Variants in NAF1 observed in about 807,000 individuals in gnomAD.
The protein encoded by NAF1 is nuclear assembly factor 1 ribonucleoprotein, also known as H/ACA ribonucleoprotein complex non-core subunit NAF1.
NAF1 carries 11 observed loss-of-function variants against 40.6 expected under a neutral mutation model. The ratio of observed to expected loss-of-function variants is 0.27; its 90% confidence interval spans 0.17 to 0.45. NAF1 has a LOEUF of 0.45. NAF1 is among the 20% of genes least tolerant of loss of function. NAF1 has a pLI of 1.00. For missense variants in NAF1, 607 were observed against 611.1 expected (o/e 0.99, Z 0.07); for synonymous variants, 260 against 228.5 (o/e 1.14, Z -1.24).
At chr4:163,120,285 T>G (rs1177021981) in intron 2 of NAF1, among the ~76,000 whole-genome samples, 2 of 152,216 alleles carry the variant, frequency 1.3e-5, no homozygotes, top group Non-Finnish European at 2.9e-5. Context: ...TGAGAACATT[T>G]TAGAAGTTCA....
chr4:163,132,549 T>G (rs1014723594), intron 7 of NAF1, among the ~76,000 whole-genome samples: 1 of 152,212 alleles, frequency 6.6e-6, no homozygotes, highest in African/African-American at 2.4e-5. Flanking sequence ...ACATTAATGG[T>G]TGCCATGAGT....
chr4:163,142,011 A>G, intron 4 of NAF1: 1 of 685,356 alleles, frequency 1.5e-6, no homozygotes, highest in Non-Finnish European at 1.8e-6. Context: ...ATGCCAATGT[A>G]TTATGAAATA....
At chr4:163,141,229 G>A (rs1262021131) in intron 4 of NAF1, among the ~76,000 whole-genome samples, 1 of 152,106 alleles carries the variant, frequency 6.6e-6, no homozygotes, top group Non-Finnish European at 1.5e-5. Flanking sequence ...GCCGGGTGTG[G>A]TGGCAGGCAC....
Position 163,166,369 on chromosome 4 carries a change from G to C in NAF1, c.359C>G (p.Ser120Trp), listed in dbSNP as rs751601134. 3.7e-6 allele frequency: 6 copies of C among 1,600,690 alleles called. No individual in the cohort carries two copies. The highest frequency in any genetic ancestry group is 1.7e-4 in the Middle Eastern group (1 of 5,966). ...GGTCCCTTAGGCACCCGACCTGTCC[G>C]AGTCCGAATCCGAGTCCGAGGTCTC... ...SLETSDSDSD[S>W]DSETDSDSSS... The change falls in exon 1 of 8, where the codon TCG (serine) becomes TGG (tryptophan). Residue 120 changes from serine to tryptophan, a missense_variant. Ser to Trp is a radical substitution (Grantham distance 177, BLOSUM62 -3). Around this residue, in one of 3 missense-constraint regions of NAF1, gnomAD observed 407 missense variants for 365.5 expected, o/e 1.11. Coordinates refer to ENST00000274054, the MANE Select transcript of NAF1 (RefSeq NM_138386.3).
In NAF1 at chr4:163,152,183, C is replaced by G. The variant is rs141524655; in HGVS notation, c.541-3749G>C. Reference sequence around the variant, plus strand: ...CCTAAGCATAATGATGCATTTTTATCGGAATTTCTTTTTAATGGGTTAAGA... The same window carrying G: ...CCTAAGCATAATGATGCATTTTTATGGGAATTTCTTTTTAATGGGTTAAGA... On this transcript the variant is annotated intron_variant, in intron 2 of 7. Coordinates refer to ENST00000274054, the MANE Select transcript of NAF1 (RefSeq NM_138386.3). Among the ~76,000 whole-genome samples, 1,061 of 152,220 alleles carry G rather than the reference C, an allele frequency of 7.0e-3. 13 individuals are homozygous for G. Among genetic ancestry groups the G allele is most frequent in the South Asian group, 0.011 (53 of 4,820 alleles).
chr4:163,129,419 T>C, intron 7 of NAF1, 71 bp from the exon 8 acceptor site: 2 of 1,409,762 alleles, frequency 1.4e-6, no homozygotes, highest in Non-Finnish European at 1.9e-6. Context: ...TGTTTGAAAT[T>C]TCAATTATGA....
chr4:163,149,532 C>T (rs2110981955), intron 2 of NAF1, among the ~76,000 whole-genome samples: 1 of 152,260 alleles, frequency 6.6e-6, no homozygotes, highest in South Asian at 2.1e-4. Flanking sequence ...TTATGGAGAG[C>T]AACACTACGG....
chr4:163,140,497 AGT>A (rs1731221607), intron 4 of NAF1, 114 bp from the exon 5 acceptor site: 2 of 857,668 alleles, frequency 2.3e-6, no homozygotes, highest in Non-Finnish European at 1.8e-6. Context: ...TAATTTTGTC[AGT>A]GTTAGGGCAA....
intron 2 of NAF1, chr4:163,119,863 G>A (rs2110834559): frequency 6.6e-6 from 1 of 152,326 alleles, no homozygotes; most frequent in East Asian, 1.9e-4. Flanking sequence ...TAAAATTAAT[G>A]CCCACAGCTA....
At position 163,148,343 on chromosome 4, in the gene NAF1, A is replaced by C. The variant is rs749313603; in HGVS notation, c.632T>G (p.Leu211Arg). The C allele has an allele frequency of 6.5e-7, 1 of 1,530,204 alleles. No homozygotes were observed. Among genetic ancestry groups the C allele is most frequent in the Non-Finnish European group, 8.8e-7 (1 of 1,138,286 alleles). 94.8% of individuals were successfully genotyped at this position (1,530,204 alleles called of 1,614,324 possible). ...LGMVSSIIEQ[L>R]VIIESMTNLP... ...TATTAATAGAATTCTTAACATACCT[A>C]GTTGTTCAATAATACTTGAAACCAT... is the stretch of plus-strand genomic sequence containing the variant. Residue 211 changes from leucine to arginine, a missense_variant and splice_region_variant, in exon 3 of 8, where the codon CTA (leucine) becomes CGA (arginine). Leu to Arg is a moderately radical substitution (Grantham distance 102). Around this residue, in one of 3 missense-constraint regions of NAF1, gnomAD observed 407 missense variants for 365.5 expected, o/e 1.11. Transcript: ENST00000274054.
At chr4:163,112,662 G>C in intron 2 of NAF1, among the ~76,000 whole-genome samples, 1 of 152,148 alleles carries the variant, frequency 6.6e-6, no homozygotes, top group East Asian at 1.9e-4. Context: ...CTGAATGCTG[G>C]AAGATATCTG....
intron 1 of NAF1, among the ~76,000 whole-genome samples, chr4:163,165,323 C>A (rs1732406429): frequency 6.6e-6 from 1 of 152,210 alleles, no homozygotes; most frequent in African/African-American, 2.4e-5. Context: ...TCTGCCATCA[C>A]CCACAGAGTC....
chr4:163,138,281 A>T (rs1731132417), intron 5 of NAF1, among the ~76,000 whole-genome samples: 2 of 152,118 alleles, frequency 1.3e-5, no homozygotes. Context: ...CCATCACTTA[A>T]AAGAAAAAAG....
In NAF1 at chr4:163,128,947, G is replaced by C. The variant is rs140262888; in HGVS notation, c.1435C>G (p.Pro479Ala). ...TTACTATCTCCAGAAGAGGGTGGAG[G>C]AGGCAGTGGTGGAGGGGGAGGGGGT... The part of the protein sequence containing the change: ...PPPPPPPPLP[P>A]PPSSGDSNSH... Residue 479 changes from proline (P) to alanine (A), a missense_variant, in exon 8 of 8, where the codon CCT becomes GCT. Pro to Ala is a conservative substitution (Grantham distance 27). Around this residue, in one of 3 missense-constraint regions of NAF1, gnomAD observed 189 missense variants for 216.6 expected, o/e 0.87. Transcript: ENST00000274054. 3 of 1,375,070 alleles carry C rather than the reference G, an allele frequency of 2.2e-6. No individual in the cohort carries two copies. The highest frequency in any genetic ancestry group is 3.1e-6 in the Non-Finnish European group (3 of 979,784). 85.2% of individuals were successfully genotyped at this position (1,375,070 alleles called of 1,614,324 possible). A position where few individuals can be genotyped will look rare whatever the true frequency, so the allele number is the denominator to read the frequency against.
rs1443190092 is a variant in NAF1, at chr4:163,166,495, G to T, written c.233C>A (p.Thr78Asn). 6.3e-7 allele frequency: 1 copy of T among 1,599,140 alleles called. No individual in the cohort carries two copies. Among genetic ancestry groups the T allele is most frequent in the Admixed American group, 1.7e-5 (1 of 58,240 alleles). The stretch of plus-strand genomic sequence containing the variant: ...CGGTGGCTGTGGCTGCGGCGCCGGG[G>T]TCCCGGCCGCGACGGCGTTCAGAAC... ...QPVLNAVAAG[T>N]PAPQPQPPAE... The change falls in exon 1 of 8, where the codon ACC becomes AAC. Residue 78 changes from threonine (T) to asparagine (N), a missense_variant. This residue lies in a region of NAF1 where 407 missense variants were observed against 365.5 expected (regional missense o/e 1.11). Transcript: ENST00000274054.
chr4:163,145,901 T>C (rs1320033339), intron 3 of NAF1, 37 bp from the exon 4 acceptor site: 10 of 996,102 alleles, frequency 1.0e-5, no homozygotes, highest in Non-Finnish European at 1.5e-5. Context: ...GATTTACTTA[T>C]AAGAGAATGT....
At chr4:163,107,230 G>A (rs867161567), downstream of NAF1, among the ~76,000 whole-genome samples, 3 of 152,240 alleles carry the variant, frequency 2.0e-5, no homozygotes, top group East Asian at 1.9e-4. Context: ...CAAGTGATCC[G>A]CCCGCCTTGG....
chr4:163,156,797 T>G (rs1363624853), intron 2 of NAF1, among the ~76,000 whole-genome samples: 1 of 152,170 alleles, frequency 6.6e-6, no homozygotes, highest in African/African-American at 2.4e-5. Context: ...AATGGAGATT[T>G]GTGATAAATC....
intron 6 of NAF1, among the ~76,000 whole-genome samples, chr4:163,133,812 C>CT (rs998611871): frequency 4.0e-5 from 6 of 151,858 alleles, no homozygotes; most frequent in Admixed American, 6.6e-5. Flanking sequence ...TAGGCAAAAG[C>CT]TTTTTTGTGT....
Sources: gnomAD v4.1 joint callset for allele counts (sites outside exome capture counted in the v4.1 genomes callset) on GRCh38, gnomAD v4.1.1 for gene constraint, gnomAD v4.1.1 regional missense constraint, MANE v1.5 for transcripts, NCBI Gene and HGNC (gene_info 2026-07-23, HGNC 2026-07-21) for gene names.